The following WDR20 variants were observed in gnomAD, a reference collection of about 807,000 sequenced individuals.
WDR20 encodes WD repeat-containing protein 20.
Under a neutral mutation model 38.7 loss-of-function variants are expected in WDR20, and 3 were observed. The ratio of observed to expected loss-of-function variants is 0.08; its 90% confidence interval spans 0.04 to 0.20. The LOEUF (loss-of-function observed/expected upper bound fraction) is 0.20, where lower values mean the gene tolerates loss of function less well. WDR20 is among the 10% of genes least tolerant of loss of function. The pLI is 1.00. For synonymous variants in WDR20, 298 were observed against 285.6 expected (o/e 1.04, Z -0.44); for missense variants, 559 against 727.7 (o/e 0.77, Z 2.67).
chr14:102,210,029 G>A lies in WDR20; in HGVS notation c.*149G>A, dbSNP rs1427315678. The A allele has an allele frequency of 7.0e-7, 1 of 1,423,250 alleles. No individual in the cohort carries two copies. The highest frequency in any genetic ancestry group is 1.4e-5 in the African/African-American group (1 of 69,500). 88.2% of individuals were successfully genotyped at this position (1,423,250 alleles called of 1,614,324 possible). On this transcript the variant is annotated 3_prime_UTR_variant, in exon 3 of 3. Transcript: ENST00000342702. ...CATAATTTTGGATACTGCATGCCAT[G>A]TAATTCTGAATCATTTGATAATTTA...
In WDR20 at chr14:102,208,445, A is replaced by G. The variant is rs2061956929; in HGVS notation, c.433-158A>G. ...AATTCTAAATTACCCCAAAAGGGCC[A>G]AAACGCTCCTTGCTGGCTTGGCTGA... On this transcript the variant is annotated intron_variant, in intron 2 of 2. Coordinates refer to ENST00000342702, the MANE Select transcript of WDR20 (RefSeq NM_144574.4). The surrounding 1 kb of genome is among the most constrained non-coding windows in gnomAD (Gnocchi z 5.6). Among the ~76,000 whole-genome samples the G allele has an allele frequency of 6.6e-6, 1 of 152,228 alleles. No homozygotes were observed. The highest frequency in any genetic ancestry group is 1.5e-5 in the Non-Finnish European group (1 of 68,044).
chr14:102,185,457 T>C (rs965000911), intron 1 of WDR20, among the ~76,000 whole-genome samples: 1 of 152,060 alleles, frequency 6.6e-6, no homozygotes, highest in Non-Finnish European at 1.5e-5. Flanking sequence ...CCACCTCACA[T>C]GTCTGTTGCA....
upstream of WDR20, chr14:102,139,484 G>A (rs1048883058): frequency 1.1e-5 from 15 of 1,408,286 alleles, no homozygotes; most frequent in Non-Finnish European, 1.3e-5. Context: ...CGCTCTTTGG[G>A]GTCCCGGCGC....
intron 1 of WDR20, among the ~76,000 whole-genome samples, chr14:102,140,563 TC>T (rs1297115466): frequency 1.3e-5 from 2 of 151,950 alleles, no homozygotes; most frequent in African/African-American, 4.8e-5. Context: ...GGGTTGGAAG[TC>T]TCGCCCTGGG....
At chr14:102,204,930 G>A (rs971903105) in intron 2 of WDR20, among the ~76,000 whole-genome samples, 9 of 152,150 alleles carry the variant, frequency 5.9e-5, no homozygotes, top group African/African-American at 2.2e-4. Context: ...TGCTGTCTTT[G>A]TGCCCATACA....
chr14:102,149,498 ATGT>A (rs1256789371), intron 1 of WDR20, among the ~76,000 whole-genome samples: 1 of 152,224 alleles, frequency 6.6e-6, no homozygotes, highest in African/African-American at 2.4e-5. Context: ...TTGCCCTAAA[ATGT>A]TGTGTGCAGA....
chr14:102,152,662 G>T (rs967214933), intron 1 of WDR20, among the ~76,000 whole-genome samples: 1 of 152,038 alleles, frequency 6.6e-6, no homozygotes, highest in African/African-American at 2.4e-5. Context: ...TGATCCACCT[G>T]CCTCAGCCTT....
chr14:102,205,383 G>A (rs537658707), intron 2 of WDR20, among the ~76,000 whole-genome samples: 1 of 152,158 alleles, frequency 6.6e-6, no homozygotes, highest in East Asian at 1.9e-4. Flanking sequence ...CATGCACAAA[G>A]ACACTCTGGA....
chr14:102,211,452 C>T (rs1237397820), downstream of WDR20, among the ~76,000 whole-genome samples: 1 of 152,172 alleles, frequency 6.6e-6, no homozygotes, highest in Non-Finnish European at 1.5e-5. This position sits in a 1 kb window ranked among gnomAD's most constrained non-coding sequence, Gnocchi z 4.2. Context: ...GCGCCATCCA[C>T]CCTGTGCCCA....
At chr14:102,170,964 A>C (rs1389266771) in intron 1 of WDR20, among the ~76,000 whole-genome samples, 1 of 150,658 alleles carries the variant, frequency 6.6e-6, no homozygotes, top group African/African-American at 2.4e-5. Context: ...TGTTTTAATA[A>C]TTATTATTAT....
At chr14:102,153,986 G>A (rs539681640) in intron 1 of WDR20, among the ~76,000 whole-genome samples, 13 of 152,182 alleles carry the variant, frequency 8.5e-5, no homozygotes, top group Non-Finnish European at 1.5e-4. Flanking sequence ...CAGAGTTTGA[G>A]ACCTTGTCTC....
At chr14:102,191,876 A>C (rs919292532) in intron 1 of WDR20, among the ~76,000 whole-genome samples, 1 of 152,234 alleles carries the variant, frequency 6.6e-6, no homozygotes, top group Non-Finnish European at 1.5e-5. Context: ...ACTTTAAAAA[A>C]ATTTTAGTCT....
At chr14:102,146,310 A>C (rs572026533) in intron 1 of WDR20, among the ~76,000 whole-genome samples, 1 of 152,182 alleles carries the variant, frequency 6.6e-6, no homozygotes, top group African/African-American at 2.4e-5. Flanking sequence ...GATTACAGGC[A>C]CTTGCCACCA....
At chr14:102,163,899 C>G (rs192921730) in intron 1 of WDR20, among the ~76,000 whole-genome samples, 4 of 152,226 alleles carry the variant, frequency 2.6e-5, no homozygotes, top group African/African-American at 9.6e-5. Context: ...CCATTAGTTG[C>G]AAGAATTACA....
rs2063736728 is a variant in WDR20 at position 102,220,275 on chromosome 14, G to A, written c.1693-2555G>A. ...GTGCTGTCCCTCATGGCCGTCAGAAGCCACCTGCAGCCACTAAGTATGTAA... is the reference window on the plus strand; with the variant it reads ...GTGCTGTCCCTCATGGCCGTCAGAAACCACCTGCAGCCACTAAGTATGTAA... On this transcript the variant is annotated intron_variant, in intron 3 of 3. Transcript: ENST00000335263. The surrounding 1 kb of genome is among the most constrained non-coding windows in gnomAD (Gnocchi z 4.2). Among the ~76,000 whole-genome samples the A allele has an allele frequency of 6.6e-6, 1 of 152,190 alleles. No homozygotes were observed. The highest frequency in any genetic ancestry group is 2.4e-5 in the African/African-American group (1 of 41,446).
At position 102,169,851 on chromosome 14, in the gene WDR20, A is replaced by G. The variant is rs116299364; in HGVS notation, c.250-25087A>G. Among the ~76,000 whole-genome samples the G allele has an allele frequency of 7.4e-3, 1,134 of 152,270 alleles. 16 individuals carry two copies. Among genetic ancestry groups the G allele is most frequent in the African/African-American group, 0.025 (1,059 of 41,540 alleles). ...CCTTTCTCAAGTAACTTAGTGAGAA[A>G]GTCTGCATTGGGAATTAGGTATTGT... On this transcript the variant is annotated intron_variant, in intron 1 of 2. Coordinates refer to ENST00000342702, the MANE Select transcript of WDR20 (RefSeq NM_144574.4).
chr14:102,141,302 T>G (rs34668411), intron 1 of WDR20, among the ~76,000 whole-genome samples: 1 of 152,170 alleles, frequency 6.6e-6, no homozygotes, highest in African/African-American at 2.4e-5. Flanking sequence ...CAGGATTTAA[T>G]ATAGCCAGAT....
At chr14:102,151,415 A>C (rs2055812319) in intron 1 of WDR20, among the ~76,000 whole-genome samples, 1 of 152,070 alleles carries the variant, frequency 6.6e-6, no homozygotes, top group Non-Finnish European at 1.5e-5. Flanking sequence ...TGTTTTTTTG[A>C]GACAGGGTCT....
intron 2 of WDR20, among the ~76,000 whole-genome samples, chr14:102,201,926 C>G (rs77628477): frequency 6.6e-6 from 1 of 151,952 alleles, no homozygotes; most frequent in South Asian, 2.1e-4. Context: ...TCAGTGTACC[C>G]CTGCCCTGGA....
Sources: allele counts gnomAD v4.1 joint callset (sites outside exome capture counted in the v4.1 genomes callset), GRCh38; gene constraint gnomAD v4.1.1; non-coding constraint Gnocchi (gnomAD v3.1); transcripts MANE v1.5; gene names NCBI Gene and HGNC (gene_info 2026-07-23, HGNC 2026-07-21).